The following ACSS3 variants were observed in gnomAD, a reference collection of about 807,000 sequenced individuals.
The protein encoded by ACSS3 is acyl-CoA synthetase short chain family member 3, also known as acyl-CoA synthetase short-chain family member 3, mitochondrial.
ACSS3 carries 64 observed loss-of-function variants against 84.2 expected under a neutral mutation model. That is an observed-to-expected ratio of 0.76 (90% CI 0.62 to 0.94). The LOEUF (loss-of-function observed/expected upper bound fraction) is 0.94, where lower values mean the gene tolerates loss of function less well. Ranked by LOEUF, ACSS3 falls within the 40% of genes least tolerant of loss-of-function variation. ACSS3 has a pLI of 0.00. For synonymous variants in ACSS3, 317 were observed against 310.1 expected (o/e 1.02, Z -0.23); for missense variants, 815 against 867.6 (o/e 0.94, Z 0.76).
chr12:81,147,576 A>G (rs1886400723), intron 5 of ACSS3, among the ~76,000 whole-genome samples: 1 of 152,094 alleles, frequency 6.6e-6, no homozygotes, highest in South Asian at 2.1e-4. Flanking sequence ...ATGGGGTGAA[A>G]CTTCCCAGAA....
intron 2 of ACSS3, among the ~76,000 whole-genome samples, chr12:81,132,335 A>C (rs1460518704): frequency 1.3e-5 from 2 of 152,004 alleles, no homozygotes. Flanking sequence ...AGGGACTCAA[A>C]TTCTTCCTGG....
At chr12:81,186,425 T>G (rs2031257427) in intron 8 of ACSS3, among the ~76,000 whole-genome samples, 1 of 151,730 alleles carries the variant, frequency 6.6e-6, no homozygotes, top group Non-Finnish European at 1.5e-5. Context: ...AACAGCTGCC[T>G]ATGAAGTGGG....
At position 81,256,350 on chromosome 12, in the gene ACSS3, C is replaced by A. The variant is rs1340482769; in HGVS notation, c.*1428C>A. ...ATCTTTCCATTTAACTTCTAAAAAT[C>A]TCTTAAATGTTTTTTTTAAATAATT... On this transcript the variant is annotated 3_prime_UTR_variant, in exon 16 of 16. Coordinates refer to ENST00000548058, the MANE Select transcript of ACSS3 (RefSeq NM_024560.4). 1 of 151,942 alleles carries A rather than the reference C, an allele frequency of 6.6e-6. No individual in the cohort carries two copies. The highest frequency in any genetic ancestry group is 1.5e-5 in the Non-Finnish European group (1 of 67,986). The allele number at this position is 151,942 out of a possible 1,614,324, so 9.4% of individuals were successfully genotyped here. A position where few individuals can be genotyped will look rare whatever the true frequency, so the allele number is the denominator to read the frequency against.
intron 2 of ACSS3, among the ~76,000 whole-genome samples, chr12:81,128,157 T>C (rs538185555): frequency 9.2e-5 from 14 of 152,100 alleles, no homozygotes; most frequent in African/African-American, 3.1e-4. Context: ...GCATTTTCTT[T>C]ACAATTATTA....
intron 13 of ACSS3, among the ~76,000 whole-genome samples, chr12:81,245,078 T>C (rs2033938309): frequency 6.6e-6 from 1 of 152,238 alleles, no homozygotes; most frequent in African/African-American, 2.4e-5. Flanking sequence ...AGAAGTATTC[T>C]GTACTCCTAT....
chr12:81,204,383 C>A (rs1422018127), intron 9 of ACSS3, among the ~76,000 whole-genome samples: 6 of 149,188 alleles, frequency 4.0e-5, no homozygotes, highest in African/African-American at 1.5e-4. Context: ...TTCTCTTCCT[C>A]CCTTCTTTCC....
intron 8 of ACSS3, among the ~76,000 whole-genome samples, chr12:81,190,671 A>G (rs2031523255): frequency 1.3e-5 from 2 of 152,166 alleles, no homozygotes; most frequent in East Asian, 1.9e-4. Context: ...TTTTTGTCTC[A>G]TCCAGATTAT....
chr12:81,169,937 C>G (rs2029900465), intron 7 of ACSS3, among the ~76,000 whole-genome samples: 1 of 152,074 alleles, frequency 6.6e-6, no homozygotes, highest in Admixed American at 6.6e-5. Flanking sequence ...TGGAAACATT[C>G]CTTGGGTGAC....
chr12:81,222,306 T>G (rs2033136449), intron 11 of ACSS3, among the ~76,000 whole-genome samples: 1 of 152,078 alleles, frequency 6.6e-6, no homozygotes, highest in African/African-American at 2.4e-5. Flanking sequence ...ATAAATCTTT[T>G]TGTATTAGAA....
chr12:81,146,499 C>T (rs1284344972), intron 5 of ACSS3, among the ~76,000 whole-genome samples: 1 of 152,094 alleles, frequency 6.6e-6, no homozygotes, highest in Non-Finnish European at 1.5e-5. Flanking sequence ...CCTAAAAATG[C>T]TTGTTTCTCA....
chr12:81,187,360 A>G (rs2031326246), intron 8 of ACSS3, among the ~76,000 whole-genome samples: 1 of 151,720 alleles, frequency 6.6e-6, no homozygotes, highest in Non-Finnish European at 1.5e-5. Flanking sequence ...AAGAAAATGT[A>G]CAAGCAAAAA....
intron 7 of ACSS3, among the ~76,000 whole-genome samples, chr12:81,172,662 A>C (rs1411959720): frequency 6.6e-6 from 1 of 152,198 alleles, no homozygotes; most frequent in Non-Finnish European, 1.5e-5. Context: ...AAGCAAAAAA[A>C]TATGGTGTCA....
chr12:81,124,927 T>A (rs1260237078), intron 2 of ACSS3, among the ~76,000 whole-genome samples: 1 of 152,160 alleles, frequency 6.6e-6, no homozygotes, highest in Non-Finnish European at 1.5e-5. Flanking sequence ...AAAGCATGCA[T>A]AAATTGTCCG....
chr12:81,127,478 T>C (rs1226630686), intron 2 of ACSS3, among the ~76,000 whole-genome samples: 1 of 152,142 alleles, frequency 6.6e-6, no homozygotes, highest in African/African-American at 2.4e-5. Flanking sequence ...CAAACAAAAA[T>C]GTGTATGATT....
At chr12:81,118,945 C>T (rs1463194119) in intron 2 of ACSS3, among the ~76,000 whole-genome samples, 5 of 152,132 alleles carry the variant, frequency 3.3e-5, no homozygotes, top group Non-Finnish European at 5.9e-5. Flanking sequence ...GGAGAAAGGA[C>T]CAACCTGGCC....
At chr12:81,239,135 T>C (rs1285882559) in intron 13 of ACSS3, among the ~76,000 whole-genome samples, 1 of 151,940 alleles carries the variant, frequency 6.6e-6, no homozygotes, top group African/African-American at 2.4e-5. Flanking sequence ...AAGTGTGTTG[T>C]TTAATCTCCA....
Position 81,259,805 on chromosome 12 carries a change from A to G in ACSS3, c.*4883A>G. 2 of 580,606 alleles carry G rather than the reference A, an allele frequency of 3.4e-6. No homozygotes were observed. The highest frequency in any genetic ancestry group is 5.8e-6 in the Non-Finnish European group (2 of 345,842). 36.0% of individuals were successfully genotyped at this position (580,606 alleles called of 1,614,324 possible). A position where few individuals can be genotyped will look rare whatever the true frequency, so the allele number is the denominator to read the frequency against. On this transcript the variant is annotated 3_prime_UTR_variant, in exon 16 of 16. Coordinates refer to ENST00000548058, the MANE Select transcript of ACSS3 (RefSeq NM_024560.4). Reference sequence around the variant, plus strand: ...GAAGGAAATCATCTAGGATGTAGCCAACAGCCGTATGTAATTAACATTTGC... The same window carrying G: ...GAAGGAAATCATCTAGGATGTAGCCGACAGCCGTATGTAATTAACATTTGC...
At chr12:81,098,171 TGTGTGTGTGA>T (rs1422940732) in intron 1 of ACSS3, among the ~76,000 whole-genome samples, 4 of 150,268 alleles carry the variant, frequency 2.7e-5, no homozygotes, top group South Asian at 4.2e-4. Flanking sequence ...TGTGTGTGTG[TGTGTGTGTGA>T]GACTGTGCCC....
At chr12:81,138,054 A>G (rs1398324913) in intron 3 of ACSS3, among the ~76,000 whole-genome samples, 3 of 152,124 alleles carry the variant, frequency 2.0e-5, no homozygotes, top group African/African-American at 7.2e-5. Context: ...GCAATACTAT[A>G]TATGCATATA....
Sources: gnomAD v4.1 joint callset for allele counts (sites outside exome capture counted in the v4.1 genomes callset) on GRCh38, gnomAD v4.1.1 for gene constraint, MANE v1.5 for transcripts, NCBI Gene and HGNC (gene_info 2026-07-23, HGNC 2026-07-21) for gene names.